Variants in KLHL3 observed in about 807,000 individuals in gnomAD.
KLHL3 encodes kelch like family member 3.
A neutral mutation model predicts 70.5 loss-of-function variants in KLHL3; 19 were observed. The ratio of observed to expected loss-of-function variants is 0.27; its 90% confidence interval spans 0.19 to 0.40. The LOEUF (loss-of-function observed/expected upper bound fraction) is 0.40, where lower values mean the gene tolerates loss of function less well. KLHL3 is among the 10% of genes least tolerant of loss of function. The pLI is 1.00. For synonymous variants in KLHL3, 258 were observed against 290.3 expected (o/e 0.89, Z 1.13); for missense variants, 512 against 771.1 (o/e 0.66, Z 3.98).
chr5:137,701,043 T>C (rs760554471), intron 3 of KLHL3, among the ~76,000 whole-genome samples: 3 of 152,140 alleles, frequency 2.0e-5, no homozygotes, highest in Non-Finnish European at 2.9e-5. Flanking sequence ...ATTTCTTTTT[T>C]TTTTTCGAGA....
intron 5 of KLHL3, among the ~76,000 whole-genome samples, chr5:137,689,515 C>T (rs961652984): frequency 1.3e-5 from 2 of 152,166 alleles, no homozygotes; most frequent in African/African-American, 4.8e-5. Flanking sequence ...AAAATCATGT[C>T]CTTTGCAGTA....
At chr5:137,640,623 G>C (rs1478174862) in intron 8 of KLHL3, among the ~76,000 whole-genome samples, 1 of 152,152 alleles carries the variant, frequency 6.6e-6, no homozygotes, top group Non-Finnish European at 1.5e-5. Context: ...CACATTGACA[G>C]ATAGCAAAGT....
intron 1 of KLHL3, among the ~76,000 whole-genome samples, chr5:137,735,274 G>A (rs1226903402): frequency 6.6e-6 from 1 of 152,182 alleles, no homozygotes; most frequent in Non-Finnish European, 1.5e-5. Context: ...AACACCCCGG[G>A]AAAGGAGCCA....
rs966460468 is a variant in KLHL3, at chr5:137,627,484, C to A, written c.1591+813G>T. On this transcript the variant is annotated intron_variant, in intron 13 of 14. Coordinates refer to ENST00000309755, the MANE Select transcript of KLHL3 (RefSeq NM_017415.3). ...AAATTAGTAAATATCACCACCCCCCCCCCCGGTTTACACTTCCAAGTCAGC... is the reference window on the plus strand; with the variant it reads ...AAATTAGTAAATATCACCACCCCCCACCCCGGTTTACACTTCCAAGTCAGC... Among the ~76,000 whole-genome samples, 133 of 128,288 alleles carry A rather than the reference C, an allele frequency of 1.0e-3. 28 individuals carry two copies. In the East Asian group the frequency reaches 0.011, roughly 10 times the overall value. The allele number at this position is 128,288 out of a possible 152,430, so 84.2% of individuals were successfully genotyped here.
intron 12 of KLHL3, among the ~76,000 whole-genome samples, chr5:137,632,316 G>A (rs1750658157): frequency 6.6e-6 from 1 of 151,994 alleles, no homozygotes; most frequent in African/African-American, 2.4e-5. Context: ...TAGACACAGA[G>A]AACAATGGAA....
At chr5:137,672,494 T>G (rs908760109) in intron 6 of KLHL3, among the ~76,000 whole-genome samples, 2 of 152,244 alleles carry the variant, frequency 1.3e-5, no homozygotes, top group Non-Finnish European at 2.9e-5. Flanking sequence ...ATAGTTCTTA[T>G]TCCAGAACAT....
intron 3 of KLHL3, among the ~76,000 whole-genome samples, chr5:137,700,096 C>G (rs1333815532): frequency 6.6e-6 from 1 of 152,230 alleles, no homozygotes; most frequent in African/African-American, 2.4e-5. Flanking sequence ...CTGTGAAAGG[C>G]CTCAGCACAG....
intron 5 of KLHL3, among the ~76,000 whole-genome samples, chr5:137,677,980 C>G (rs942007439): frequency 6.6e-6 from 1 of 152,150 alleles, no homozygotes; most frequent in African/African-American, 2.4e-5. Context: ...GGACCTGCCT[C>G]CATAATTGAG....
intron 6 of KLHL3, among the ~76,000 whole-genome samples, chr5:137,676,004 C>T (rs1249016961): frequency 1.3e-5 from 2 of 152,116 alleles, no homozygotes; most frequent in East Asian, 3.8e-4. Context: ...AGTAAACGTG[C>T]TTGGTAAGAA....
chr5:137,623,516 G>T (rs1312041806), intron 14 of KLHL3, among the ~76,000 whole-genome samples: 1 of 152,118 alleles, frequency 6.6e-6, no homozygotes, highest in Non-Finnish European at 1.5e-5. Context: ...CTTGAAAGCA[G>T]GCTCCTGTGT....
chr5:137,723,924 T>C (rs1753045178), intron 1 of KLHL3, among the ~76,000 whole-genome samples: 1 of 152,242 alleles, frequency 6.6e-6, no homozygotes, highest in African/African-American at 2.4e-5. Flanking sequence ...AGTCATAAAG[T>C]AATGCTAAAT....
At chr5:137,641,993 T>C (rs943877732) in intron 8 of KLHL3, among the ~76,000 whole-genome samples, 4 of 152,332 alleles carry the variant, frequency 2.6e-5, no homozygotes, top group Admixed American at 1.3e-4. Flanking sequence ...TTCCCATTTG[T>C]AATTCTTTGC....
chr5:137,711,713 C>A (rs917727789), intron 2 of KLHL3, among the ~76,000 whole-genome samples: 3 of 152,162 alleles, frequency 2.0e-5, no homozygotes, highest in Non-Finnish European at 2.9e-5. Context: ...CCATTTTTCT[C>A]ACCTGTTTTA....
intron 14 of KLHL3, among the ~76,000 whole-genome samples, chr5:137,625,342 G>C (rs1284822370): frequency 6.6e-6 from 1 of 152,160 alleles, no homozygotes; most frequent in Non-Finnish European, 1.5e-5. Flanking sequence ...GCATCATCTT[G>C]TCTTCCCAGT....
Position 137,637,293 on chromosome 5 carries a change from C to T in KLHL3, c.1321+1G>A. 6.2e-7 allele frequency: 1 copy of T among 1,613,878 alleles called. No individual in the cohort carries two copies. Among genetic ancestry groups the T allele is most frequent in the Non-Finnish European group, 8.5e-7 (1 of 1,179,748 alleles). On this transcript the variant is annotated splice_donor_variant, in intron 11 of 14. Transcript: ENST00000309755. LOFTEE classifies it high-confidence loss of function. ...GCCACTGGCCACTGCCGCCTCCTTA[C>T]CCTCCACAACGCCCACACCCACACT...
At position 137,639,226 on chromosome 5, in the gene KLHL3, A is replaced by G. The variant is rs561487133; in HGVS notation, c.1022-76T>C. The G allele has an allele frequency of 4.4e-5, 62 of 1,417,800 alleles. No homozygotes were observed. The African/African-American group carries it at 6.5e-4, about 15-fold the overall frequency. The allele number at this position is 1,417,800 out of a possible 1,614,324, so 87.8% of individuals were successfully genotyped here. On this transcript the variant is annotated intron_variant, in intron 9 of 14. Coordinates refer to ENST00000309755, the MANE Select transcript of KLHL3 (RefSeq NM_017415.3). The surrounding 1 kb of genome is among the most constrained non-coding windows in gnomAD (Gnocchi z 5.0). ...TCATGTTGATGGATGGCAATGGAGG[A>G]GCAAGACAGACACAGGAAAAGTCGC...
intron 5 of KLHL3, among the ~76,000 whole-genome samples, chr5:137,690,174 A>G (rs1429471898): frequency 3.3e-5 from 5 of 152,156 alleles, no homozygotes; most frequent in Non-Finnish European, 5.9e-5. Context: ...AAAAATACAA[A>G]AAATTAGCCT....
chr5:137,637,887 T>C (rs1040314041), intron 10 of KLHL3, among the ~76,000 whole-genome samples: 7 of 152,212 alleles, frequency 4.6e-5, no homozygotes, highest in Non-Finnish European at 1.0e-4. Context: ...CTAATATAGA[T>C]ACCATTCCCC....
At position 137,661,904 on chromosome 5, in the gene KLHL3, A is replaced by T. The variant is rs1751484408; in HGVS notation, c.753+11T>A. On this transcript the variant is annotated intron_variant, in intron 7 of 14. Coordinates refer to ENST00000309755, the MANE Select transcript of KLHL3 (RefSeq NM_017415.3). ...AACACAGAAGTGCTTGGCTCTTCATACAACACTCACTTGGACTAGGTAGTC... is the reference window on the plus strand; with the variant it reads ...AACACAGAAGTGCTTGGCTCTTCATTCAACACTCACTTGGACTAGGTAGTC... 3 of 1,454,420 alleles carry T rather than the reference A, an allele frequency of 2.1e-6. No individual in the cohort carries two copies. The highest frequency in any genetic ancestry group is 2.8e-5 in the African/African-American group (2 of 71,768). 90.1% of individuals were successfully genotyped at this position (1,454,420 alleles called of 1,614,324 possible).
Sources: gnomAD v4.1 joint callset for allele counts (sites outside exome capture counted in the v4.1 genomes callset) on GRCh38, gnomAD v4.1.1 for gene constraint, Gnocchi (gnomAD v3.1) non-coding constraint, MANE v1.5 for transcripts, NCBI Gene and HGNC (gene_info 2026-07-23, HGNC 2026-07-21) for gene names.